The following TM9SF3 variants were observed in gnomAD, a reference collection of about 807,000 sequenced individuals.
The protein encoded by TM9SF3 is SM-11044-binding protein.
A neutral mutation model predicts 78.6 loss-of-function variants in TM9SF3; 14 were observed. That is an observed-to-expected ratio of 0.18 (90% CI 0.12 to 0.28). The LOEUF (loss-of-function observed/expected upper bound fraction) is 0.28. Ranked by LOEUF, TM9SF3 falls within the 10% of genes least tolerant of loss-of-function variation. The probability of loss-of-function intolerance (pLI) is 1.00; values close to 1 mark genes in which losing one functional copy is unlikely to be tolerated. For missense variants in TM9SF3, 496 were observed against 721.9 expected, an observed-to-expected ratio of 0.69 and a Z score of 3.59; for synonymous variants, 231 against 241.7, an observed-to-expected ratio of 0.96 and a Z score of 0.41.
At position 96,528,091 on chromosome 10, in the gene TM9SF3, A is replaced by G; in HGVS notation, c.1481T>C (p.Val494Ala). The G allele has an allele frequency of 6.2e-7, 1 of 1,613,042 alleles. No individual in the cohort carries two copies. The highest frequency in any genetic ancestry group is 1.3e-5 in the African/African-American group (1 of 74,970). ...MMLVLVILCI[V>A]TVCVTIVCTY... Reference sequence around the variant, plus strand: ...GCACACAATAGTCACACAGACAGTCACAATGCACAGGATAACCAGCACCAG... The same window carrying G: ...GCACACAATAGTCACACAGACAGTCGCAATGCACAGGATAACCAGCACCAG... The change falls in exon 12 of 15, where the codon GTG becomes GCG. Residue 494 changes from valine (V) to alanine (A), a missense_variant. Around this residue, in one of 4 missense-constraint regions of TM9SF3, gnomAD observed 280 missense variants for 422.6 expected, o/e 0.66. Transcript: ENST00000371142.
At chr10:96,526,677 C>T (rs1310572716) in intron 14 of TM9SF3, among the ~76,000 whole-genome samples, 1 of 152,072 alleles carries the variant, frequency 6.6e-6, no homozygotes, top group Non-Finnish European at 1.5e-5. Flanking sequence ...TATGGTACAG[C>T]TAGAACTTAA....
At chr10:96,555,233 T>C (rs1012917935) in intron 5 of TM9SF3, among the ~76,000 whole-genome samples, 1 of 152,172 alleles carries the variant, frequency 6.6e-6, no homozygotes, top group African/African-American at 2.4e-5. Flanking sequence ...TAGTCAACTT[T>C]TCTTTCCATT....
At chr10:96,576,514 C>T in intron 2 of TM9SF3, 120 bp downstream of exon 2, 2 of 929,158 alleles carry the variant, frequency 2.2e-6, no homozygotes, top group Non-Finnish European at 3.1e-6. Context: ...GACATCCTAA[C>T]ATGTACATAA....
intron 1 of TM9SF3, among the ~76,000 whole-genome samples, chr10:96,585,234 CTAAG>C (rs1391666003): frequency 1.3e-5 from 2 of 151,874 alleles, no homozygotes; most frequent in East Asian, 1.9e-4. Context: ...GTAACTTTTC[CTAAG>C]TGTTTTTTTA....
In TM9SF3 at chr10:96,518,847, G is replaced by GACAAA. The variant is rs1554943372; in HGVS notation, c.*3415_*3416insTTTGT. 2 of 144,884 alleles carry GACAAA rather than the reference G, an allele frequency of 1.4e-5. No individual in the cohort carries two copies. The allele number at this position is 144,884 out of a possible 1,614,324, so 9.0% of individuals were successfully genotyped here. ...CTGACTGAAATATAACACCTTGATTGATAGTTTCATAACTATAGAATTTTA... is the reference window on the plus strand; with the variant it reads ...CTGACTGAAATATAACACCTTGATTGACAAAATAGTTTCATAACTATAGAATTTTA... On this transcript the variant is annotated 3_prime_UTR_variant, in exon 15 of 15. Transcript: ENST00000371142.
intron 3 of TM9SF3, among the ~76,000 whole-genome samples, chr10:96,562,692 A>G (rs530384450): frequency 1.3e-5 from 2 of 152,268 alleles, no homozygotes; most frequent in East Asian, 3.9e-4. Flanking sequence ...AAATCAGCAA[A>G]ATAAAAGGAG....
At chr10:96,575,005 T>C (rs1189302533) in intron 2 of TM9SF3, among the ~76,000 whole-genome samples, 4 of 151,874 alleles carry the variant, frequency 2.6e-5, no homozygotes, top group African/African-American at 4.8e-5. Flanking sequence ...CAAACCACCA[T>C]GGCATGTGTA....
At chr10:96,582,656 T>C (rs573504805) in intron 1 of TM9SF3, among the ~76,000 whole-genome samples, 7 of 152,334 alleles carry the variant, frequency 4.6e-5, no homozygotes, top group African/African-American at 1.7e-4. Context: ...ATTCAACTTT[T>C]AAAAATTAAA....
intron 9 of TM9SF3, among the ~76,000 whole-genome samples, chr10:96,537,674 A>G (rs1377593261): frequency 4.6e-5 from 7 of 152,224 alleles, no homozygotes; most frequent in Non-Finnish European, 1.0e-4. Context: ...CTCTATAAAA[A>G]TACAAAAATT....
At position 96,557,605 on chromosome 10, in the gene TM9SF3, G is replaced by T. The variant is rs188697633; in HGVS notation, c.660+2054C>A. Among the ~76,000 whole-genome samples, 571 of 152,110 alleles carry T rather than the reference G, an allele frequency of 3.8e-3. 6 individuals carry two copies. The highest frequency in any genetic ancestry group is 0.014 in the Middle Eastern group (4 of 294). Reference sequence around the variant, plus strand: ...AATCTGCAGTCCTTAAAATGACCATGGATAATCTGGCTCCTGCTACCTCTC... The same window carrying T: ...AATCTGCAGTCCTTAAAATGACCATTGATAATCTGGCTCCTGCTACCTCTC... On this transcript the variant is annotated intron_variant, in intron 5 of 14. Coordinates refer to ENST00000371142, the MANE Select transcript of TM9SF3 (RefSeq NM_020123.4).
chr10:96,545,757 C>T (rs1848089631), intron 8 of TM9SF3, among the ~76,000 whole-genome samples: 1 of 152,142 alleles, frequency 6.6e-6, no homozygotes, highest in African/African-American at 2.4e-5. Flanking sequence ...GGCATGGTGA[C>T]ACGCGCCTGT....
chr10:96,532,647 T>G (rs955504292), intron 10 of TM9SF3, among the ~76,000 whole-genome samples: 3 of 152,238 alleles, frequency 2.0e-5, no homozygotes, highest in Non-Finnish European at 4.4e-5. Flanking sequence ...ATTACTGATC[T>G]GCCAGCTCTG....
chr10:96,580,296 T>C (rs1461618368), intron 1 of TM9SF3, among the ~76,000 whole-genome samples: 2 of 152,004 alleles, frequency 1.3e-5, no homozygotes, highest in African/African-American at 2.4e-5. Flanking sequence ...GACGGAGTCT[T>C]GCTCTGTCGC....
intron 3 of TM9SF3, 80 bp from the exon 4 acceptor site, chr10:96,562,218 T>G (rs1848317199): frequency 4.4e-6 from 2 of 450,910 alleles, no homozygotes; most frequent in Non-Finnish European, 6.4e-6. Context: ...CTCATTAAGT[T>G]TTTTTTTTTT....
At chr10:96,539,040 T>C (rs1268393192) in intron 9 of TM9SF3, among the ~76,000 whole-genome samples, 2 of 152,208 alleles carry the variant, frequency 1.3e-5, no homozygotes, top group African/African-American at 2.4e-5. Flanking sequence ...CATAAGTCCA[T>C]AGAAAGACTT....
chr10:96,544,889 T>C (rs1848078833), intron 8 of TM9SF3, among the ~76,000 whole-genome samples: 2 of 152,094 alleles, frequency 1.3e-5, no homozygotes, highest in South Asian at 4.1e-4. Flanking sequence ...GCCTCTAAGT[T>C]TGTCCTTAGC....
At chr10:96,564,147 C>A (rs1327218765) in intron 3 of TM9SF3, among the ~76,000 whole-genome samples, 1 of 149,094 alleles carries the variant, frequency 6.7e-6, no homozygotes, top group East Asian at 1.9e-4. Context: ...AAAAAAAGAG[C>A]CAGGCATGGT....
chr10:96,538,920 A>G (rs1440859843), intron 9 of TM9SF3, among the ~76,000 whole-genome samples: 1 of 152,270 alleles, frequency 6.6e-6, no homozygotes, highest in Non-Finnish European at 1.5e-5. Context: ...GCTGATAGAA[A>G]TGTAAAATGT....
At chr10:96,526,003 C>T (rs1352416628) in intron 14 of TM9SF3, among the ~76,000 whole-genome samples, 1 of 152,104 alleles carries the variant, frequency 6.6e-6, no homozygotes, top group African/African-American at 2.4e-5. Context: ...CAAGGACTTT[C>T]AGCCTTCATC....
Sources: allele counts gnomAD v4.1 joint callset (sites outside exome capture counted in the v4.1 genomes callset), GRCh38; gene constraint gnomAD v4.1.1; regional missense constraint gnomAD v4.1.1; transcripts MANE v1.5; gene names NCBI Gene and HGNC (gene_info 2026-07-23, HGNC 2026-07-21).